The following BABAM1 variants were observed in gnomAD, a reference collection of about 807,000 sequenced individuals.
BABAM1 encodes the protein BRISC and BRCA1-A complex member 1.
In BABAM1, 14 loss-of-function variants were observed where a neutral mutation model predicts 34.4. That is an observed-to-expected ratio of 0.41 (90% CI 0.27 to 0.64). The LOEUF (loss-of-function observed/expected upper bound fraction) is 0.64. Among genes scored for constraint, BABAM1 ranks in the 30% least tolerant of loss-of-function variants. The pLI, the probability that BABAM1 is intolerant of heterozygous loss-of-function variation, is 0.34. For synonymous variants in BABAM1, 169 were observed against 165.8 expected, an observed-to-expected ratio of 1.02 and a Z score of -0.15; for missense variants, 393 against 434.0, an observed-to-expected ratio of 0.91 and a Z score of 0.84.
chr19:17,275,772 A>C (rs1222031007), intron 5 of BABAM1, 29 bp from the exon 6 acceptor site: 3 of 1,613,422 alleles, frequency 1.9e-6, no homozygotes, highest in Non-Finnish European at 2.5e-6. Flanking sequence ...CTCGTGCTCT[A>C]CTAGCCTTCT....
intron 5 of BABAM1, 38 bp downstream of exon 5, chr19:17,274,223 T>C: frequency 6.3e-7 from 1 of 1,598,944 alleles, no homozygotes; most frequent in South Asian, 1.1e-5. Context: ...TGAAGGGGGC[T>C]GTCTCCTTCT....
Position 17,275,788 on chromosome 19 carries a change from GC to G in BABAM1, c.545-12del. ...TCGTGCTCTACTAGCCTTCTCCTTA[GC>G]ACCCCCACCAGATCTGGAAGGACTT... On this transcript the variant is annotated splice_polypyrimidine_tract_variant and intron_variant, in intron 5 of 8. Coordinates refer to ENST00000598188, the MANE Select transcript of BABAM1 (RefSeq NM_014173.4). 5 of 1,613,764 alleles carry G rather than the reference GC, an allele frequency of 3.1e-6. No individual in the cohort carries two copies. The highest frequency in any genetic ancestry group is 4.2e-6 in the Non-Finnish European group (5 of 1,179,862).
chr19:17,278,949 A>G lies in BABAM1; in HGVS notation c.891A>G (p.Lys297=). 6.2e-7 allele frequency: 1 copy of G among 1,613,238 alleles called. No homozygotes were observed. Among genetic ancestry groups the G allele is most frequent in the Non-Finnish European group, 8.5e-7 (1 of 1,179,692 alleles). Residue 297 remains lysine (K), a synonymous_variant, in exon 9 of 9, where the codon AAA becomes AAG. Coordinates refer to ENST00000598188, the MANE Select transcript of BABAM1 (RefSeq NM_014173.4). ...TGGAGTTGCACAACTGCATGGCGAA[A>G]CTGTTGGCCCACCCCCTGCAGCGGC... ...PALELHNCMA[K]LLAHPLQRPC...
chr19:17,268,828 A>T lies in BABAM1; in HGVS notation c.22A>T (p.Ser8Cys). The T allele has an allele frequency of 6.2e-7, 1 of 1,608,586 alleles. No homozygotes were observed. Among genetic ancestry groups the T allele is most frequent in the Non-Finnish European group, 8.5e-7 (1 of 1,176,800 alleles). ...AGCCATGGAAGTGGCAGAGCCCAGC[A>T]GCCCCACTGAAGAGGAGGAGGAGGA... MEVAEPSSPTEEEEEEEE... is the reference protein window; with the variant it reads MEVAEPSCPTEEEEEEEE... Residue 8 changes from serine to cysteine, a missense_variant, in exon 2 of 9, where the codon AGC becomes TGC. Transcript: ENST00000598188.
At position 17,275,287 on chromosome 19, in the gene BABAM1, T is replaced by C. The variant is rs565439185; in HGVS notation, c.545-514T>C. Among the ~76,000 whole-genome samples the C allele has an allele frequency of 6.3e-5, 9 of 142,088 alleles. No homozygotes were observed. The South Asian group carries it at 7.0e-4, about 11-fold the overall frequency. 93.2% of individuals were successfully genotyped at this position (142,088 alleles called of 152,430 possible). On this transcript the variant is annotated intron_variant, in intron 5 of 8. Transcript: ENST00000598188. ...CTCCCATGGCTCCCTGTGGATCTTA[T>C]TTATTATTATATTTTTTTTTGAGAT...
chr19:17,275,695 G>A (rs1288747946), intron 5 of BABAM1, 106 bp from the exon 6 acceptor site: 84 of 1,431,752 alleles, frequency 5.9e-5, no homozygotes, highest in Non-Finnish European at 7.9e-5. Flanking sequence ...GGGTCACATG[G>A]TGCGTCCCTA....
intron 8 of BABAM1, chr19:17,277,136 C>T (rs557619484): frequency 6.9e-4 from 341 of 496,742 alleles, no homozygotes; most frequent in Middle Eastern, 3.2e-3. Context: ...AGTCCTGCCT[C>T]CCCCATCTCC....
intron 1 of BABAM1, chr19:17,268,542 G>A (rs1040211097): frequency 1.2e-4 from 39 of 319,970 alleles, no homozygotes; most frequent in Non-Finnish European, 2.0e-4. Context: ...CGATTCTCCT[G>A]CCTCAGCCTC....
At chr19:17,277,610 T>G (rs2073925843) in intron 8 of BABAM1, 1 of 152,342 alleles carries the variant, frequency 6.6e-6, no homozygotes. Context: ...CAGACCTGAA[T>G]TAGCTGTGGG....
rs765723650 is a variant in BABAM1, at chr19:17,276,528, C to G, written c.603C>G (p.Asn201Lys). Residue 201 changes from asparagine to lysine, a missense_variant, in exon 7 of 9, where the codon AAC becomes AAG. By Grantham distance (94) the Asn-to-Lys change is moderately conservative. Transcript: ENST00000598188. ...QQKTELPVTENVQTIPPPYVV... is the reference protein window; with the variant it reads ...QQKTELPVTEKVQTIPPPYVV... ...AAACTGAGCTTCCGGTCACAGAGAA[C>G]GTGCAGACGATTCCCCCGCCATATG... 1 of 1,594,380 alleles carries G rather than the reference C, an allele frequency of 6.3e-7. No homozygotes were observed. Among genetic ancestry groups the G allele is most frequent in the Admixed American group, 1.7e-5 (1 of 57,314 alleles).
intron 8 of BABAM1, among the ~76,000 whole-genome samples, chr19:17,278,332 G>A (rs945070600): frequency 1.7e-4 from 26 of 150,210 alleles, no homozygotes; most frequent in Non-Finnish European, 2.8e-4. Flanking sequence ...TTTTTGAGGC[G>A]GAGTCTCGCT....
At chr19:17,270,082 T>C (rs1320652971) in intron 2 of BABAM1, among the ~76,000 whole-genome samples, 2 of 151,738 alleles carry the variant, frequency 1.3e-5, no homozygotes, top group Non-Finnish European at 2.9e-5. Context: ...AGGCGCCCGC[T>C]ACTACGCCTG....
intron 5 of BABAM1, among the ~76,000 whole-genome samples, chr19:17,274,910 G>A (rs1178700770): frequency 6.6e-6 from 1 of 152,132 alleles, no homozygotes; most frequent in Non-Finnish European, 1.5e-5. Context: ...GCAGGAAAGG[G>A]GACCTTTTTT....
chr19:17,276,825 A>C lies in BABAM1; in HGVS notation c.702A>C (p.Lys234Asn). The C allele has an allele frequency of 6.2e-7, 1 of 1,603,122 alleles. No homozygotes were observed. The highest frequency in any genetic ancestry group is 8.5e-7 in the Non-Finnish European group (1 of 1,174,760). Residue 234 changes from lysine (K) to asparagine (N), a missense_variant and splice_region_variant, in exon 8 of 9, where the codon AAA becomes AAC. Physicochemically the swap from Lys to Asn is moderately conservative, Grantham distance 94 (BLOSUM62 0). Coordinates refer to ENST00000598188, the MANE Select transcript of BABAM1 (RefSeq NM_014173.4). ...GGTGTTCTTTACTTCCCCTGCAGAA[A>C]ATGTTCCAGTGCCCATATTTCTTCT... ...PQFSLTEPMKKMFQCPYFFFD... is the reference protein window; with the variant it reads ...PQFSLTEPMKNMFQCPYFFFD...
chr19:17,274,491 C>G (rs2073885082), intron 5 of BABAM1: 2 of 358,594 alleles, frequency 5.6e-6, no homozygotes, highest in South Asian at 6.1e-5. Flanking sequence ...TCACTTGAGT[C>G]CGGGAGGCGG....
At chr19:17,273,683 C>T (rs2073873265) in intron 3 of BABAM1, among the ~76,000 whole-genome samples, 2 of 150,888 alleles carry the variant, frequency 1.3e-5, no homozygotes, top group Non-Finnish European at 2.9e-5. Context: ...CTGACTCAGC[C>T]TCCTGAGTAG....
chr19:17,270,415 C>T (rs116921475), intron 2 of BABAM1, among the ~76,000 whole-genome samples: 15 of 152,226 alleles, frequency 9.9e-5, no homozygotes, highest in East Asian at 7.7e-4. Context: ...TCTGTGTCTT[C>T]TCCGCTTCTG....
chr19:17,270,882 A>G lies in BABAM1; in HGVS notation c.286-715A>G, dbSNP rs549693875. 5.3e-5 allele frequency among the ~76,000 whole-genome samples: 8 copies of G among 150,742 alleles called. No homozygotes were observed. The East Asian group carries it at 1.6e-3, about 30-fold the overall frequency. ...TTTTTGTATTTTTTTAGTAGAGACC[A>G]GGTTTCACCCTGTTAGCCAGGATGG... On this transcript the variant is annotated intron_variant, in intron 2 of 8. Coordinates refer to ENST00000598188, the MANE Select transcript of BABAM1 (RefSeq NM_014173.4).
Position 17,276,543 on chromosome 19 carries a change from C to A in BABAM1, c.618C>A (p.Pro206=). The part of the protein sequence containing the change: ...LPVTENVQTI[P]PPYVVRTILV... The stretch of plus-strand genomic sequence containing the variant: ...TCACAGAGAACGTGCAGACGATTCC[C>A]CCGCCATATGTGGTCCGCACCATCC... Residue 206 remains proline (P), a synonymous_variant, in exon 7 of 9, where the codon CCC becomes CCA. Transcript: ENST00000598188. 1 of 1,604,270 alleles carries A rather than the reference C, an allele frequency of 6.2e-7. No individual in the cohort carries two copies. Among genetic ancestry groups the A allele is most frequent in the East Asian group, 2.3e-5 (1 of 44,274 alleles).
Sources: allele counts gnomAD v4.1 joint callset (sites outside exome capture counted in the v4.1 genomes callset), GRCh38; gene constraint gnomAD v4.1.1; transcripts MANE v1.5; gene names NCBI Gene and HGNC (gene_info 2026-07-23, HGNC 2026-07-21).